The following PALM2AKAP2 variants were observed in gnomAD, a reference collection of about 807,000 sequenced individuals.
The protein encoded by PALM2AKAP2 is PALM2-AKAP2 fusion protein.
PALM2AKAP2 carries 37 observed loss-of-function variants against 71.5 expected under a neutral mutation model. The observed-to-expected ratio is 0.52, with a 90% confidence interval of 0.40 to 0.68. The LOEUF (loss-of-function observed/expected upper bound fraction) is 0.68, where lower values mean the gene tolerates loss of function less well. PALM2AKAP2 is among the 30% of genes least tolerant of loss of function. The probability of loss-of-function intolerance (pLI) is 0.00; values close to 1 mark genes in which losing one functional copy is unlikely to be tolerated. For synonymous variants in PALM2AKAP2, 468 were observed against 478.8 expected, an observed-to-expected ratio of 0.98 and a Z score of 0.29; for missense variants, 1,224 against 1,191.8, an observed-to-expected ratio of 1.03 and a Z score of -0.40.
intron 6 of PALM2AKAP2, among the ~76,000 whole-genome samples, chr9:110,007,647 C>G (rs1380092145): frequency 4.6e-5 from 7 of 152,116 alleles, no homozygotes; most frequent in Non-Finnish European, 7.3e-5. Flanking sequence ...CTCTTTAGAA[C>G]CTAATCCTTT....
intron 1 of PALM2AKAP2, among the ~76,000 whole-genome samples, chr9:109,694,656 C>T (rs1827943315): frequency 1.3e-5 from 2 of 151,850 alleles, no homozygotes; most frequent in African/African-American, 4.8e-5. Flanking sequence ...AAAATAATGC[C>T]AAAATAAATA....
At chr9:109,897,405 C>T (rs1462952409) in intron 3 of PALM2AKAP2, among the ~76,000 whole-genome samples, 1 of 152,022 alleles carries the variant, frequency 6.6e-6, no homozygotes, top group African/African-American at 2.4e-5. Flanking sequence ...GATGGTGAAA[C>T]CCCATCTCTA....
intron 1 of PALM2AKAP2, among the ~76,000 whole-genome samples, chr9:109,836,553 A>C (rs1014106381): frequency 1.1e-4 from 17 of 152,258 alleles, no homozygotes; most frequent in African/African-American, 4.1e-4. Flanking sequence ...AGTTGAGAGA[A>C]GAAGGCTTCA....
chr9:109,710,925 A>C (rs938543189), intron 1 of PALM2AKAP2, among the ~76,000 whole-genome samples: 4 of 152,094 alleles, frequency 2.6e-5, no homozygotes, highest in Admixed American at 1.3e-4. Flanking sequence ...ACAGTTTATA[A>C]ATTCTGTTTC....
intron 1 of PALM2AKAP2, among the ~76,000 whole-genome samples, chr9:109,850,067 C>T (rs1263248256): frequency 6.6e-6 from 1 of 152,156 alleles, no homozygotes; most frequent in South Asian, 2.1e-4. Flanking sequence ...CTCAGTAGAA[C>T]TGATTTCCTC....
At chr9:109,728,496 G>A (rs1212024296) in intron 1 of PALM2AKAP2, among the ~76,000 whole-genome samples, 1 of 152,222 alleles carries the variant, frequency 6.6e-6, no homozygotes, top group African/African-American at 2.4e-5. Context: ...GATGCAGCAA[G>A]TGAGCCCTAA....
chr9:110,098,290 C>G (rs1024546025), intron 1 of PALM2AKAP2, among the ~76,000 whole-genome samples: 3 of 152,148 alleles, frequency 2.0e-5, no homozygotes, highest in Non-Finnish European at 4.4e-5. Flanking sequence ...GTACCAGTTT[C>G]ATAGATTTGC....
At chr9:109,843,301 CAAAAAAAAAAAA>C (rs35634219) in intron 1 of PALM2AKAP2, among the ~76,000 whole-genome samples, 10 of 66,960 alleles carry the variant, frequency 1.5e-4, no homozygotes, top group Admixed American at 7.5e-4. Context: ...GCCCCTGTCT[CAAAAAAAAAAAA>C]AAAAAAAAAA....
intron 2 of PALM2AKAP2, among the ~76,000 whole-genome samples, chr9:110,142,835 T>C (rs1377647158): frequency 6.6e-6 from 1 of 152,216 alleles, no homozygotes; most frequent in Non-Finnish European, 1.5e-5. Flanking sequence ...ATGTTAAGGG[T>C]TGTAGACTTT....
intron 1 of PALM2AKAP2, among the ~76,000 whole-genome samples, chr9:109,643,874 T>C (rs959126990): frequency 1.3e-5 from 2 of 152,162 alleles, no homozygotes; most frequent in South Asian, 2.1e-4. Flanking sequence ...GCAGGCTGTA[T>C]AGAAGTGTGG....
chr9:109,973,908 C>T (rs1832119412), intron 6 of PALM2AKAP2, among the ~76,000 whole-genome samples: 1 of 152,140 alleles, frequency 6.6e-6, no homozygotes, highest in South Asian at 2.1e-4. Flanking sequence ...TGTTGTCATT[C>T]AGTAAACATT....
At chr9:109,739,953 G>A (rs569103149) in intron 1 of PALM2AKAP2, among the ~76,000 whole-genome samples, 5 of 152,214 alleles carry the variant, frequency 3.3e-5, no homozygotes, top group Non-Finnish European at 5.9e-5. Context: ...AGCTGGCCAC[G>A]TAGGCCTTTG....
intron 6 of PALM2AKAP2, among the ~76,000 whole-genome samples, chr9:110,006,671 G>A (rs1017273375): frequency 6.6e-6 from 1 of 151,932 alleles, no homozygotes; most frequent in African/African-American, 2.4e-5. Flanking sequence ...CCCTGAGTGT[G>A]TATTTCTAAC....
At chr9:110,101,503 T>TAGTCACA (rs1445999839) in intron 1 of PALM2AKAP2, among the ~76,000 whole-genome samples, 1 of 151,896 alleles carries the variant, frequency 6.6e-6, no homozygotes, top group Non-Finnish European at 1.5e-5. Context: ...CAGACAAAGG[T>TAGTCACA]AGTCACACGC....
chr9:109,731,876 G>A (rs1444760629), intron 1 of PALM2AKAP2, among the ~76,000 whole-genome samples: 1 of 152,138 alleles, frequency 6.6e-6, no homozygotes, highest in African/African-American at 2.4e-5. Context: ...TCTGTGTCTT[G>A]TTTTGGCCTG....
intron 6 of PALM2AKAP2, among the ~76,000 whole-genome samples, chr9:109,978,911 G>A (rs1832217327): frequency 6.6e-6 from 1 of 152,072 alleles, no homozygotes; most frequent in African/African-American, 2.4e-5. Flanking sequence ...GTTGACCCTG[G>A]GAGAGGACAG....
At chr9:109,750,437 G>GA (rs994204489) in intron 1 of PALM2AKAP2, among the ~76,000 whole-genome samples, 4 of 152,014 alleles carry the variant, frequency 2.6e-5, no homozygotes, top group African/African-American at 7.2e-5. Flanking sequence ...GGAAAAAGAG[G>GA]AAAAAAAGTT....
At chr9:110,103,994 G>A (rs1212928293) in intron 1 of PALM2AKAP2, among the ~76,000 whole-genome samples, 5 of 152,182 alleles carry the variant, frequency 3.3e-5, no homozygotes, top group Non-Finnish European at 7.3e-5. Context: ...TTTCAGGTTT[G>A]AGTGTCAGCC....
At chr9:109,843,835 G>A (rs1243417576) in intron 1 of PALM2AKAP2, among the ~76,000 whole-genome samples, 1 of 152,172 alleles carries the variant, frequency 6.6e-6, no homozygotes, top group Non-Finnish European at 1.5e-5. Context: ...GAGCCCGGAC[G>A]AGGCCAGCTG....
Sources: gnomAD v4.1 joint callset for allele counts (sites outside exome capture counted in the v4.1 genomes callset) on GRCh38, gnomAD v4.1.1 for gene constraint, MANE v1.5 for transcripts, NCBI Gene and HGNC (gene_info 2026-07-23, HGNC 2026-07-21) for gene names.